Variants in SUZ12 observed in about 807,000 individuals in gnomAD.
SUZ12 encodes polycomb protein SUZ12.
A neutral mutation model predicts 87.3 loss-of-function variants in SUZ12; 17 were observed. That is an observed-to-expected ratio of 0.19 (90% CI 0.13 to 0.29). The LOEUF (loss-of-function observed/expected upper bound fraction) is 0.29. Among genes scored for constraint, SUZ12 ranks in the 10% least tolerant of loss-of-function variants. The probability of loss-of-function intolerance (pLI) is 1.00; values close to 1 mark genes in which losing one functional copy is unlikely to be tolerated. For synonymous variants in SUZ12, 253 were observed against 312.4 expected (o/e 0.81, Z 2.01); for missense variants, 526 against 912.2 (o/e 0.58, Z 5.45).
chr17:31,953,830 T>C (rs1222612471), intron 4 of SUZ12, among the ~76,000 whole-genome samples: 8 of 149,694 alleles, frequency 5.3e-5, no homozygotes, highest in Admixed American at 5.3e-4. Flanking sequence ...TCTCCTGCCT[T>C]GGCCTCCCGA....
intron 9 of SUZ12, among the ~76,000 whole-genome samples, chr17:31,985,972 TG>T (rs1909394143): frequency 6.6e-6 from 1 of 151,970 alleles, no homozygotes; most frequent in South Asian, 2.1e-4. Flanking sequence ...GGCCTTTTTT[TG>T]TTTGTTTCTG....
At chr17:31,969,018 C>A (rs755719045) in intron 5 of SUZ12, among the ~76,000 whole-genome samples, 2 of 152,210 alleles carry the variant, frequency 1.3e-5, no homozygotes, top group Non-Finnish European at 2.9e-5. Flanking sequence ...TCCTCTGTCA[C>A]CTAGGCTGGA....
chr17:31,994,796 G>A, intron 13 of SUZ12, 75 bp downstream of exon 13: 1 of 1,496,000 alleles, frequency 6.7e-7, no homozygotes, highest in South Asian at 1.3e-5. Context: ...GGAGCCAGAT[G>A]AAGCTACTAG....
At chr17:31,945,910 T>G (rs891781828) in intron 3 of SUZ12, among the ~76,000 whole-genome samples, 1 of 152,198 alleles carries the variant, frequency 6.6e-6, no homozygotes, top group Non-Finnish European at 1.5e-5. Flanking sequence ...ACTTTCAGTA[T>G]TTATACTGAA....
chr17:31,938,265 CTA>C (rs1343771826), intron 1 of SUZ12, among the ~76,000 whole-genome samples: 75 of 152,330 alleles, frequency 4.9e-4, no homozygotes, highest in African/African-American at 1.6e-3. Context: ...AACATCGTGA[CTA>C]TGAATAATCC....
chr17:31,943,591 C>T (rs895133660), intron 3 of SUZ12, among the ~76,000 whole-genome samples: 5 of 152,088 alleles, frequency 3.3e-5, no homozygotes, highest in African/African-American at 1.2e-4. Flanking sequence ...TCTTACCTTC[C>T]GGGCTGTACA....
chr17:31,939,258 G>A (rs951362676), intron 1 of SUZ12, among the ~76,000 whole-genome samples: 1 of 152,082 alleles, frequency 6.6e-6, no homozygotes, highest in African/African-American at 2.4e-5. Flanking sequence ...GTTTGTGTCC[G>A]AGATTCATTT....
chr17:31,968,273 G>A (rs1328751639), intron 5 of SUZ12, among the ~76,000 whole-genome samples: 1 of 152,024 alleles, frequency 6.6e-6, no homozygotes, highest in Non-Finnish European at 1.5e-5. Flanking sequence ...TTTAGACAGG[G>A]TCTTGCTCGT....
At chr17:31,950,538 G>T (rs1003462198) in intron 4 of SUZ12, among the ~76,000 whole-genome samples, 2 of 151,934 alleles carry the variant, frequency 1.3e-5, no homozygotes, top group African/African-American at 2.4e-5. Flanking sequence ...ACAAAAATCA[G>T]CCAGGCGAGG....
At chr17:31,963,376 C>T (rs1907857715) in intron 4 of SUZ12, among the ~76,000 whole-genome samples, 1 of 152,032 alleles carries the variant, frequency 6.6e-6, no homozygotes, top group South Asian at 2.1e-4. Flanking sequence ...ATCTCCTGAC[C>T]TCGTGATCCA....
intron 4 of SUZ12, among the ~76,000 whole-genome samples, chr17:31,950,546 A>C (rs1035721807): frequency 7.2e-5 from 11 of 151,920 alleles, no homozygotes; most frequent in Middle Eastern, 3.2e-3. Flanking sequence ...CAGCCAGGCG[A>C]GGTGGTGTAC....
intron 5 of SUZ12, chr17:31,966,549 T>G: frequency 5.4e-6 from 1 of 184,056 alleles, no homozygotes; most frequent in Non-Finnish European, 1.1e-5. Flanking sequence ...GGTCTCACCA[T>G]GCTGGCCAGG....
At position 31,999,178 on chromosome 17, in the gene SUZ12, A is replaced by G. The variant is rs1243709135; in HGVS notation, c.*175A>G. 2 of 479,264 alleles carry G rather than the reference A, an allele frequency of 4.2e-6. No individual in the cohort carries two copies. Among genetic ancestry groups the G allele is most frequent in the South Asian group, 4.5e-5 (1 of 22,178 alleles). 29.7% of individuals were successfully genotyped at this position (479,264 alleles called of 1,614,324 possible). ...GTTCTACTTCACTTCATTATGCAGCATTACATGTATATCACTTTTATTGAT... is the reference window on the plus strand; with the variant it reads ...GTTCTACTTCACTTCATTATGCAGCGTTACATGTATATCACTTTTATTGAT... On this transcript the variant is annotated 3_prime_UTR_variant, in exon 16 of 16. Coordinates refer to ENST00000322652, the MANE Select transcript of SUZ12 (RefSeq NM_015355.4).
At chr17:31,978,092 A>G (rs564286169) in intron 8 of SUZ12, among the ~76,000 whole-genome samples, 11 of 152,272 alleles carry the variant, frequency 7.2e-5, no homozygotes, top group Non-Finnish European at 1.0e-4. Context: ...AAAGAAACCT[A>G]TGCCGTCATT....
In SUZ12 at chr17:31,998,785, C is replaced by A; in HGVS notation, c.2002C>A (p.Leu668Ile). The A allele has an allele frequency of 6.2e-7, 1 of 1,612,834 alleles. No homozygotes were observed. ...LHLVSMHDFN[L>I]ISIMSIDKAV... ...TCTAGTCAGCATGCATGACTTTAAT[C>A]TTATTAGCATAATGTCAATAGATAA... The change falls in exon 16 of 16, where the codon CTT (leucine) becomes ATT (isoleucine). Residue 668 changes from leucine to isoleucine, a missense_variant. Leu to Ile is a conservative substitution (Grantham distance 5). This residue lies in a region of SUZ12 where 143 missense variants were observed against 321.6 expected (regional missense o/e 0.44). Transcript: ENST00000322652.
At chr17:31,948,196 C>G (rs1265751586) in intron 4 of SUZ12, among the ~76,000 whole-genome samples, 1 of 152,050 alleles carries the variant, frequency 6.6e-6, no homozygotes, top group Non-Finnish European at 1.5e-5. Flanking sequence ...GTTTCAGAAA[C>G]TTGAACATTT....
At chr17:31,962,744 C>T (rs1187767291) in intron 4 of SUZ12, among the ~76,000 whole-genome samples, 3 of 152,174 alleles carry the variant, frequency 2.0e-5, no homozygotes, top group Non-Finnish European at 4.4e-5. Context: ...GTAAGGCTTT[C>T]GTAGAACAGG....
At chr17:31,983,491 A>G (rs183822178) in intron 9 of SUZ12, among the ~76,000 whole-genome samples, 24 of 152,132 alleles carry the variant, frequency 1.6e-4, no homozygotes, top group East Asian at 3.9e-4. Flanking sequence ...CATGTTGGCC[A>G]GGCTAGTCTG....
chr17:31,993,185 G>A lies in SUZ12; in HGVS notation c.1202-57G>A, dbSNP rs1909809620. 2.3e-5 allele frequency: 25 copies of A among 1,096,240 alleles called. No homozygotes were observed. In the South Asian group the frequency reaches 3.8e-4, roughly 17 times the overall value. 67.9% of individuals were successfully genotyped at this position (1,096,240 alleles called of 1,614,324 possible). Reference sequence around the variant, plus strand: ...ATATTTAATAGTTTTTGTGAGGTATGTTATTTTGCTTTTCAAAAGCAATGT... The same window carrying A: ...ATATTTAATAGTTTTTGTGAGGTATATTATTTTGCTTTTCAAAAGCAATGT... On this transcript the variant is annotated intron_variant, in intron 10 of 15. Coordinates refer to ENST00000322652, the MANE Select transcript of SUZ12 (RefSeq NM_015355.4).
Sources: allele counts gnomAD v4.1 joint callset (sites outside exome capture counted in the v4.1 genomes callset), GRCh38; gene constraint gnomAD v4.1.1; regional missense constraint gnomAD v4.1.1; transcripts MANE v1.5; gene names NCBI Gene and HGNC (gene_info 2026-07-23, HGNC 2026-07-21).